The following FGF14 variants were observed in gnomAD, a reference collection of about 807,000 sequenced individuals.
FGF14 encodes fibroblast growth factor homologous factor 4.
FGF14 carries 5 observed loss-of-function variants against 25.5 expected under a neutral mutation model. The observed-to-expected ratio is 0.20, with a 90% CI of 0.10 to 0.41. The LOEUF is 0.41. FGF14 is among the 10% of genes least tolerant of loss of function. The probability of loss-of-function intolerance (pLI) is 1.00; values close to 1 mark genes in which losing one functional copy is unlikely to be tolerated. For missense variants in FGF14, 222 were observed against 320.1 expected, an observed-to-expected ratio of 0.69 and a Z score of 2.34; for synonymous variants, 138 against 118.3, an observed-to-expected ratio of 1.17 and a Z score of -1.08.
chr13:101,905,701 T>A (rs759780542), intron 1 of FGF14, among the ~76,000 whole-genome samples: 7 of 152,090 alleles, frequency 4.6e-5, no homozygotes, highest in Non-Finnish European at 8.8e-5. Flanking sequence ...TAAAGTATAA[T>A]AATAATAATA....
At chr13:102,362,983 T>C (rs1466484098) in intron 1 of FGF14, among the ~76,000 whole-genome samples, 1 of 152,128 alleles carries the variant, frequency 6.6e-6, no homozygotes. Flanking sequence ...ATTTACTTTC[T>C]ATAGGAAAAA....
chr13:101,880,192 T>C (rs2493570), intron 1 of FGF14, among the ~76,000 whole-genome samples: 58,093 of 151,946 alleles, frequency 0.38, 11,529 homozygotes, highest in African/African-American at 0.49. Flanking sequence ...TAACACTTCT[T>C]CCACAGGCTA....
intron 1 of FGF14, among the ~76,000 whole-genome samples, chr13:102,250,596 C>T (rs375461288): frequency 5.7e-4 from 86 of 152,178 alleles, no homozygotes; most frequent in African/African-American, 2.0e-3. Flanking sequence ...TGGGAAACCA[C>T]GGTGCATTTT....
At chr13:102,022,539 G>A (rs1457346647) in intron 1 of FGF14, among the ~76,000 whole-genome samples, 1 of 152,038 alleles carries the variant, frequency 6.6e-6, no homozygotes. Context: ...GAATTGGTAT[G>A]AAGATGGCTG....
intron 1 of FGF14, among the ~76,000 whole-genome samples, chr13:102,202,440 GAGA>G (rs1486125476): frequency 2.0e-5 from 3 of 152,200 alleles, no homozygotes; most frequent in Non-Finnish European, 2.9e-5. Flanking sequence ...ACTACAGAGA[GAGA>G]AGGTGATAAG....
At chr13:102,156,361 A>C (rs1285879720) in intron 1 of FGF14, among the ~76,000 whole-genome samples, 2 of 152,104 alleles carry the variant, frequency 1.3e-5, no homozygotes, top group African/African-American at 4.8e-5. Context: ...TCAACACACA[A>C]AAATCAATAA....
At chr13:102,326,727 GAAGGAAGGAAGGAAGGAAGGAAGGAAA>G (rs2056456308) in intron 1 of FGF14, among the ~76,000 whole-genome samples, 2 of 106,114 alleles carry the variant, frequency 1.9e-5, no homozygotes, top group Admixed American at 8.6e-5. Context: ...AGGAAGGAAG[GAAGGAAGGAAGGAAGGAAGGAAGGAAA>G]GAGGGAGGGA....
chr13:102,193,125 T>C (rs376787308), intron 1 of FGF14, among the ~76,000 whole-genome samples: 6 of 152,234 alleles, frequency 3.9e-5, no homozygotes, highest in African/African-American at 1.4e-4. Context: ...TAAATTACCA[T>C]AGACTAGGTG....
At chr13:102,039,456 C>G (rs775317121) in intron 1 of FGF14, among the ~76,000 whole-genome samples, 7 of 152,122 alleles carry the variant, frequency 4.6e-5, no homozygotes, top group Non-Finnish European at 8.8e-5. Flanking sequence ...AAGGGGCCAG[C>G]AGGTTGGTCC....
rs1322706618 is a variant in FGF14 at position 102,021,181 on chromosome 13, G to C, written c.209-145885C>G. Among the ~76,000 whole-genome samples the C allele has an allele frequency of 3.3e-5, 5 of 152,170 alleles. No homozygotes were observed. In the East Asian group the frequency reaches 7.8e-4, roughly 24 times the overall value. ...CATCATTACAGAGGAAGGAGATTTA[G>C]AGTTAAGAAGACAGCAAGTCTGGTG... On this transcript the variant is annotated intron_variant, in intron 1 of 4. Coordinates refer to the FGF14 transcript ENST00000376131.
intron 3 of FGF14, among the ~76,000 whole-genome samples, chr13:101,810,409 CACCAT>C (rs1274455459): frequency 6.6e-6 from 1 of 152,188 alleles, no homozygotes; most frequent in Admixed American, 6.5e-5. Context: ...CCATCCTTCC[CACCAT>C]TTACATCATG....
At chr13:101,929,131 T>C (rs1429475555) in intron 1 of FGF14, among the ~76,000 whole-genome samples, 1 of 152,180 alleles carries the variant, frequency 6.6e-6, no homozygotes, top group African/African-American at 2.4e-5. Context: ...TCCCCTTGAG[T>C]GGCTCAGAAT....
intron 3 of FGF14, among the ~76,000 whole-genome samples, chr13:101,816,339 T>C (rs867378655): frequency 1.3e-5 from 2 of 151,474 alleles, no homozygotes; most frequent in African/African-American, 4.9e-5. Context: ...TATTATTTAA[T>C]GTTTATCTCT....
chr13:102,121,760 G>A (rs2045738672), intron 1 of FGF14, among the ~76,000 whole-genome samples: 1 of 152,168 alleles, frequency 6.6e-6, no homozygotes, highest in Admixed American at 6.5e-5. Context: ...AACAGCTTCT[G>A]CTATATCGAG....
chr13:101,999,494 G>A (rs1030204261), intron 1 of FGF14, among the ~76,000 whole-genome samples: 1 of 152,098 alleles, frequency 6.6e-6, no homozygotes, highest in Non-Finnish European at 1.5e-5. Flanking sequence ...CTGCCTCCTG[G>A]AGATAGGGGT....
In FGF14 at chr13:101,722,236, A is replaced by ATAAT. The variant is rs1457750163; in HGVS notation, c.*591_*594dup. On this transcript the variant is annotated 3_prime_UTR_variant, in exon 5 of 5. Transcript: ENST00000376143. Reference sequence around the variant, plus strand: ...TCTTTCTTTATAGATGCAATTTGTAATAATAGGTTTAGAAGGCTTCCTGAT... The same window carrying ATAAT: ...TCTTTCTTTATAGATGCAATTTGTAATAATTAATAGGTTTAGAAGGCTTCCTGAT... 3.5e-5 allele frequency: 6 copies of ATAAT among 169,610 alleles called. No individual in the cohort carries two copies. Among genetic ancestry groups the ATAAT allele is most frequent in the African/African-American group, 7.2e-5 (3 of 41,520 alleles). The allele number at this position is 169,610 out of a possible 1,614,324, so 10.5% of individuals were successfully genotyped here.
chr13:101,782,035 T>C (rs2039524702), intron 3 of FGF14, among the ~76,000 whole-genome samples: 1 of 152,198 alleles, frequency 6.6e-6, no homozygotes, highest in Non-Finnish European at 1.5e-5. Flanking sequence ...GATGACTTCA[T>C]AACCTTAATT....
intron 1 of FGF14, among the ~76,000 whole-genome samples, chr13:102,079,898 T>C (rs994621866): frequency 6.6e-6 from 1 of 152,088 alleles, no homozygotes; most frequent in African/African-American, 2.4e-5. Context: ...AACACAGATA[T>C]CTGGGAGAAA....
intron 1 of FGF14, among the ~76,000 whole-genome samples, chr13:102,158,013 A>G (rs1333529804): frequency 1.3e-5 from 2 of 152,228 alleles, no homozygotes; most frequent in Admixed American, 1.3e-4. Context: ...TTAAAAAGTC[A>G]GGAAAAAGCA....
Sources: gnomAD v4.1 joint callset for allele counts (sites outside exome capture counted in the v4.1 genomes callset) on GRCh38, gnomAD v4.1.1 for gene constraint, MANE v1.5 for transcripts, NCBI Gene and HGNC (gene_info 2026-07-23, HGNC 2026-07-21) for gene names.